Variants in OR2B11 observed in about 807,000 individuals in gnomAD.
OR2B11 encodes the protein olfactory receptor family 2 subfamily B member 11.
For missense variants in OR2B11, 422 were observed against 400.0 expected (o/e 1.05, Z -0.47); for synonymous variants, 198 against 174.5 (o/e 1.13, Z -1.06).
rs918157655 is a variant in OR2B11 at position 247,452,361 on chromosome 1, C to A, written c.-379G>T. 11 of 204,500 alleles carry A rather than the reference C, an allele frequency of 5.4e-5. No individual in the cohort carries two copies. The highest frequency in any genetic ancestry group is 2.5e-4 in the African/African-American group (11 of 43,532). The allele number at this position is 204,500 out of a possible 1,614,324, so 12.7% of individuals were successfully genotyped here. ...CAATTATGTTCCAGGTAGAGCGAAG[C>A]GTGCTGCAGCTCCCATCACCGTCAG... On this transcript the variant is annotated 5_prime_UTR_variant, in exon 2 of 2. Transcript: ENST00000641149.
Position 247,451,826 on chromosome 1 carries a change from A to T in OR2B11, c.157T>A (p.Ser53Thr). 1 of 1,614,134 alleles carries T rather than the reference A, an allele frequency of 6.2e-7. No homozygotes were observed. Among genetic ancestry groups the T allele is most frequent in the South Asian group, 1.1e-5 (1 of 91,078 alleles). The change falls in exon 2 of 2, where the codon TCC (serine) becomes ACC (threonine). Residue 53 changes from serine to threonine, a missense_variant. Ser to Thr is a moderately conservative substitution (Grantham distance 58). Coordinates refer to ENST00000641149, the MANE Select transcript of OR2B11 (RefSeq NM_001004492.2). ...MLGNVAIILASRVDPQLHSPM... is the reference protein window; with the variant it reads ...MLGNVAIILATRVDPQLHSPM... ...CTGTGGAGTTGAGGATCCACCCGGG[A>T]TGCCAGGATGATGGCGACGTTCCCC... is the stretch of plus-strand genomic sequence containing the variant.
rs1664885843 is a variant in OR2B11 at position 247,453,230 on chromosome 1, G to C, written c.-1248C>G. 6.6e-6 allele frequency: 1 copy of C among 152,162 alleles called. No homozygotes were observed. Among genetic ancestry groups the C allele is most frequent in the African/African-American group, 2.4e-5 (1 of 41,428 alleles). The allele number at this position is 152,162 out of a possible 1,614,324, so 9.4% of individuals were successfully genotyped here. A position where few individuals can be genotyped will look rare whatever the true frequency, so the allele number is the denominator to read the frequency against. ...TAGACTGTAAAACTAACGGAGATCT[G>C]CTCAGCTTACATGTTGCAACAGGTG... is the stretch of plus-strand genomic sequence containing the variant. On this transcript the variant is annotated 5_prime_UTR_variant, in exon 2 of 2. Transcript: ENST00000641149.
chr1:247,450,949 T>C lies in OR2B11; in HGVS notation c.*80A>G, dbSNP rs1664827924. 6 of 834,322 alleles carry C rather than the reference T, an allele frequency of 7.2e-6. No homozygotes were observed. The highest frequency in any genetic ancestry group is 7.7e-4 in the Middle Eastern group (2 of 2,598). 51.7% of individuals were successfully genotyped at this position (834,322 alleles called of 1,614,324 possible). A position where few individuals can be genotyped will look rare whatever the true frequency, so the allele number is the denominator to read the frequency against. On this transcript the variant is annotated 3_prime_UTR_variant, in exon 2 of 2. Transcript: ENST00000641149. The stretch of plus-strand genomic sequence containing the variant: ...TTGAGCTCTCTGGGTATTAACTCCT[T>C]AAGTGAAAGATGCTCTGAGTGCACA...
intron 1 of OR2B11, among the ~76,000 whole-genome samples, chr1:247,455,744 A>G (rs9988617): frequency 0.75 from 113,656 of 152,032 alleles, 42,836 homozygotes; most frequent in East Asian, 0.93. Flanking sequence ...CTGTGCCAGG[A>G]CTGGGGAAGT....
Position 247,451,923 on chromosome 1 carries a change from A to G in OR2B11, c.60T>C (p.Gly20=). ...GTTCCAGCCACGGCCTGTCAGACACACCCAGAAGGATGAAGGCTTTAGGGG... is the reference window on the plus strand; with the variant it reads ...GTTCCAGCCACGGCCTGTCAGACACGCCCAGAAGGATGAAGGCTTTAGGGG... ...GDSPKAFILL[G]VSDRPWLELP... The change falls in exon 2 of 2, where the codon GGT becomes GGC. Residue 20 remains glycine, a synonymous_variant. Coordinates refer to ENST00000641149, the MANE Select transcript of OR2B11 (RefSeq NM_001004492.2). 1 of 1,612,906 alleles carries G rather than the reference A, an allele frequency of 6.2e-7. No individual in the cohort carries two copies.
At position 247,455,722 on chromosome 1, in the gene OR2B11, T is replaced by A. The variant is rs72655370; in HGVS notation, c.-3082-658A>T. Among the ~76,000 whole-genome samples the A allele has an allele frequency of 6.7e-3, 1,013 of 152,284 alleles. 6 individuals carry two copies. The highest frequency in any genetic ancestry group is 0.013 in the Admixed American group (195 of 15,300). ...AGTTAGTGTCCCTGTGCATGCACAG[T>A]CCTTTCTCATCCTGTGCCAGGACTG... On this transcript the variant is annotated intron_variant, in intron 1 of 1. Coordinates refer to ENST00000641149, the MANE Select transcript of OR2B11 (RefSeq NM_001004492.2).
Position 247,454,640 on chromosome 1 carries a change from T to C in OR2B11, c.-2658A>G, listed in dbSNP as rs1664923219. 1 of 152,238 alleles carries C rather than the reference T, an allele frequency of 6.6e-6. No individual in the cohort carries two copies. Among genetic ancestry groups the C allele is most frequent in the African/African-American group, 2.4e-5 (1 of 41,454 alleles). The allele number at this position is 152,238 out of a possible 1,614,324, so 9.4% of individuals were successfully genotyped here. A position where few individuals can be genotyped will look rare whatever the true frequency, so the allele number is the denominator to read the frequency against. ...ATGCCAAGTACTGAGGTTCTTTCTA[T>C]TCATGTTCTACTCCTCATTCACTCT... On this transcript the variant is annotated 5_prime_UTR_variant, in exon 2 of 2. Coordinates refer to ENST00000641149, the MANE Select transcript of OR2B11 (RefSeq NM_001004492.2).
Position 247,449,707 on chromosome 1 carries a change from T to C in OR2B11, c.*1322A>G, listed in dbSNP as rs1276838381. ...TTTTATAAGGGAAACAGTATGAGAT[T>C]TACATTCTGTTGCAAACTCTGTCTT... On this transcript the variant is annotated 3_prime_UTR_variant, in exon 2 of 2. Coordinates refer to ENST00000641149, the MANE Select transcript of OR2B11 (RefSeq NM_001004492.2). 6.6e-6 allele frequency: 1 copy of C among 151,920 alleles called. No homozygotes were observed. Among genetic ancestry groups the C allele is most frequent in the Non-Finnish European group, 1.5e-5 (1 of 68,040 alleles). 9.4% of individuals were successfully genotyped at this position (151,920 alleles called of 1,614,324 possible).
chr1:247,451,871 ACAG>A lies in OR2B11; in HGVS notation c.109_111del (p.Leu37del), dbSNP rs770688379. 1 of 1,614,122 alleles carries A rather than the reference ACAG, an allele frequency of 6.2e-7. No individual in the cohort carries two copies. Among genetic ancestry groups the A allele is most frequent in the Non-Finnish European group, 8.5e-7 (1 of 1,180,024 alleles). On this transcript the variant is annotated inframe_deletion, in exon 2 of 2. Coordinates refer to ENST00000641149, the MANE Select transcript of OR2B11 (RefSeq NM_001004492.2). ...TTCCCCAACATGGCCAGCACATAGG[ACAG>A]CAGGAGGACCACAAAGAGAGGGAGT...
At chr1:247,456,188 T>C (rs1259720494) in intron 1 of OR2B11, among the ~76,000 whole-genome samples, 1 of 152,156 alleles carries the variant, frequency 6.6e-6, no homozygotes, top group Non-Finnish European at 1.5e-5. Context: ...GTCCACAGGG[T>C]AAGCTATTTA....
At chr1:247,455,490 A>G (rs1438171521) in intron 1 of OR2B11, among the ~76,000 whole-genome samples, 4 of 152,146 alleles carry the variant, frequency 2.6e-5, no homozygotes, top group Non-Finnish European at 5.9e-5. Flanking sequence ...ACAAAAAGAG[A>G]AAGAGCCCCT....
At position 247,451,230 on chromosome 1, in the gene OR2B11, G is replaced by T. The variant is rs780372908; in HGVS notation, c.753C>A (p.Ile251=). The T allele has an allele frequency of 2.4e-5, 39 of 1,600,614 alleles. No individual in the cohort carries two copies. The highest frequency in any genetic ancestry group is 4.0e-5 in the African/African-American group (3 of 74,584). ...AFGTCSSHLM[I]VSLFYLPAIY... The stretch of plus-strand genomic sequence containing the variant: ...TCGCAGGTAGGTAGAAGAGGGAGAC[G>T]ATCATCAGGTGGGAGGAACACGTCC... Residue 251 remains isoleucine (I), a synonymous_variant, in exon 2 of 2, where the codon ATC becomes ATA. Coordinates refer to ENST00000641149, the MANE Select transcript of OR2B11 (RefSeq NM_001004492.2).
At chr1:247,456,303 A>C (rs1664963976) in intron 1 of OR2B11, among the ~76,000 whole-genome samples, 1 of 152,174 alleles carries the variant, frequency 6.6e-6, no homozygotes, top group South Asian at 2.1e-4. Context: ...CCTTTAAAAA[A>C]CTTTATTTTA....
Position 247,454,136 on chromosome 1 carries a change from CACA to C in OR2B11, c.-2157_-2155del, listed in dbSNP as rs1214887349. The C allele has an allele frequency of 6.6e-6, 1 of 152,308 alleles. No homozygotes were observed. Among genetic ancestry groups the C allele is most frequent in the Non-Finnish European group, 1.5e-5 (1 of 68,104 alleles). 9.4% of individuals were successfully genotyped at this position (152,308 alleles called of 1,614,324 possible). A position where few individuals can be genotyped will look rare whatever the true frequency, so the allele number is the denominator to read the frequency against. ...GTAATTATAGTCCACTGTACATGTGCACACTTACGTACACACGTGCACACACAT... is the reference window on the plus strand; with the variant it reads ...GTAATTATAGTCCACTGTACATGTGCCTTACGTACACACGTGCACACACAT... On this transcript the variant is annotated 5_prime_UTR_variant, in exon 2 of 2. Coordinates refer to ENST00000641149, the MANE Select transcript of OR2B11 (RefSeq NM_001004492.2).
rs200299205 is a variant in OR2B11, at chr1:247,451,162, T to C, written c.821A>G (p.Gln274Arg). 18 of 1,541,306 alleles carry C rather than the reference T, an allele frequency of 1.2e-5. No homozygotes were observed. The African/African-American group carries it at 2.5e-4, about 21-fold the overall frequency. The stretch of plus-strand genomic sequence containing the variant: ...ATAGAAGAGAGAAATAAATTTGCCC[T>C]GCTCTTGGGAGTAGCTGGAAGGGGG... The part of the protein sequence containing the change: ...LQPPSSYSQE[Q>R]GKFISLFYSI... Residue 274 changes from glutamine to arginine, a missense_variant, in exon 2 of 2, where the codon CAG (glutamine) becomes CGG (arginine). Coordinates refer to ENST00000641149, the MANE Select transcript of OR2B11 (RefSeq NM_001004492.2).
chr1:247,452,119 C>A lies in OR2B11; in HGVS notation c.-137G>T, dbSNP rs549739416. 204 of 634,634 alleles carry A rather than the reference C, an allele frequency of 3.2e-4. 1 individual carries two copies. In the East Asian group the frequency reaches 5.5e-3, roughly 17 times the overall value. 39.3% of individuals were successfully genotyped at this position (634,634 alleles called of 1,614,324 possible). A position where few individuals can be genotyped will look rare whatever the true frequency, so the allele number is the denominator to read the frequency against. ...GTGATAGCCTGTTTGATTCTCCTTA[C>A]CTCTGTGGAGACGCTGGGATGCGGA... On this transcript the variant is annotated 5_prime_UTR_variant, in exon 2 of 2. Transcript: ENST00000641149.
In OR2B11 at chr1:247,449,984, C is replaced by T. The variant is rs1275137207; in HGVS notation, c.*1045G>A. 2.6e-5 allele frequency: 4 copies of T among 151,176 alleles called. No individual in the cohort carries two copies. Among genetic ancestry groups the T allele is most frequent in the Non-Finnish European group, 5.9e-5 (4 of 67,938 alleles). The allele number at this position is 151,176 out of a possible 1,614,324, so 9.4% of individuals were successfully genotyped here. ...GTATTTTTCCATGGTATATATCTCA[C>T]ATTTTCTTTTTCTTTTTTTTTTGAG... On this transcript the variant is annotated 3_prime_UTR_variant, in exon 2 of 2. Transcript: ENST00000641149.
intron 1 of OR2B11, among the ~76,000 whole-genome samples, chr1:247,455,810 T>A (rs1664954912): frequency 6.6e-6 from 1 of 152,192 alleles, no homozygotes; most frequent in Non-Finnish European, 1.5e-5. Context: ...CGTTCTTCCC[T>A]TCCCTTCATG....
rs1664871601 is a variant in OR2B11, at chr1:247,452,507, T to C, written c.-525A>G. 6.2e-6 allele frequency: 1 copy of C among 160,826 alleles called. No individual in the cohort carries two copies. Among genetic ancestry groups the C allele is most frequent in the South Asian group, 1.7e-4 (1 of 5,756 alleles). 10.0% of individuals were successfully genotyped at this position (160,826 alleles called of 1,614,324 possible). A position where few individuals can be genotyped will look rare whatever the true frequency, so the allele number is the denominator to read the frequency against. On this transcript the variant is annotated 5_prime_UTR_variant, in exon 2 of 2. Coordinates refer to ENST00000641149, the MANE Select transcript of OR2B11 (RefSeq NM_001004492.2). ...GGTGACATAAAGCAAGCAGAAGGGC[T>C]TTGTGAGCAGCTGGGGGCTGTATTG...
Sources: gnomAD v4.1 joint callset for allele counts (sites outside exome capture counted in the v4.1 genomes callset) on GRCh38, gnomAD v4.1.1 for gene constraint, MANE v1.5 for transcripts, NCBI Gene and HGNC (gene_info 2026-07-23, HGNC 2026-07-21) for gene names.